SPATS2: variants seen among roughly 807,000 people sequenced by gnomAD.
SPATS2 encodes spermatogenesis associated serine rich 2.
A neutral mutation model predicts 63.7 loss-of-function variants in SPATS2; 38 were observed. The observed-to-expected ratio is 0.60, with a 90% CI of 0.46 to 0.78. The LOEUF (loss-of-function observed/expected upper bound fraction) is 0.78, where lower values mean the gene tolerates loss of function less well. Among genes scored for constraint, SPATS2 ranks in the 30% least tolerant of loss-of-function variants. SPATS2 has a pLI of 0.00. For synonymous variants in SPATS2, 207 were observed against 232.9 expected (o/e 0.89, Z 1.01); for missense variants, 588 against 666.2 (o/e 0.88, Z 1.29).
chr12:49,484,294 A>G (rs1210519916), intron 3 of SPATS2, among the ~76,000 whole-genome samples: 1 of 152,168 alleles, frequency 6.6e-6, no homozygotes, highest in Non-Finnish European at 1.5e-5. Flanking sequence ...ACATTTTTAG[A>G]AGGCCTTAAG....
chr12:49,474,941 A>T (rs890863671), intron 3 of SPATS2, among the ~76,000 whole-genome samples: 2 of 152,176 alleles, frequency 1.3e-5, no homozygotes, highest in Non-Finnish European at 2.9e-5. Flanking sequence ...GTGTATCTCT[A>T]TTTGCAACAG....
rs1747705481 is a variant in SPATS2, at chr12:49,402,954, C to A, written c.-244+31664C>A. Among the ~76,000 whole-genome samples the A allele has an allele frequency of 3.9e-5, 6 of 152,186 alleles. No homozygotes were observed. The South Asian group carries it at 1.2e-3, about 32-fold the overall frequency. ...GGAGCAAAAGAGTGAAGGGACCATT[C>A]AGACAAGAGGTTTAAGATATAGGGG... On this transcript the variant is annotated intron_variant, in intron 2 of 13. Transcript: ENST00000552918.
intron 2 of SPATS2, chr12:49,441,893 A>G (rs1356104464): frequency 6.6e-6 from 1 of 152,200 alleles, no homozygotes; most frequent in Non-Finnish European, 1.5e-5. Context: ...GCACATTAAC[A>G]AAATTACTAG....
At chr12:49,402,583 A>G (rs1308895433) in intron 2 of SPATS2, among the ~76,000 whole-genome samples, 1 of 152,218 alleles carries the variant, frequency 6.6e-6, no homozygotes, top group African/African-American at 2.4e-5. Flanking sequence ...GAGGTGGTCA[A>G]GGAACTGAGA....
intron 2 of SPATS2, among the ~76,000 whole-genome samples, chr12:49,444,144 G>A (rs1257916756): frequency 6.6e-6 from 1 of 150,542 alleles, no homozygotes; most frequent in African/African-American, 2.4e-5. Context: ...TCTCAACTAT[G>A]TTTTCTAATT....
At chr12:49,396,861 G>A (rs1474385707) in intron 2 of SPATS2, among the ~76,000 whole-genome samples, 1 of 152,178 alleles carries the variant, frequency 6.6e-6, no homozygotes, top group Non-Finnish European at 1.5e-5. Flanking sequence ...GTATTCATGT[G>A]TATCATTTGT....
At chr12:49,370,905 G>C (rs1943985972) in intron 1 of SPATS2, among the ~76,000 whole-genome samples, 1 of 152,068 alleles carries the variant, frequency 6.6e-6, no homozygotes, top group African/African-American at 2.4e-5. Flanking sequence ...GTAGAGTCAG[G>C]GTTTCGCTGT....
At chr12:49,523,341 T>A (rs1946973967) in intron 12 of SPATS2, among the ~76,000 whole-genome samples, 1 of 130,996 alleles carries the variant, frequency 7.6e-6, no homozygotes, top group African/African-American at 2.9e-5. Flanking sequence ...ATTAGCCAGG[T>A]GTGGTGGCAC....
intron 10 of SPATS2, 110 bp from the exon 11 acceptor site, chr12:49,518,963 G>A: frequency 1.5e-6 from 1 of 675,850 alleles, no homozygotes; most frequent in Non-Finnish European, 2.3e-6. Context: ...TGGGTGGATA[G>A]GCAGCTAAGC....
At chr12:49,462,461 G>T (rs1192511781) in intron 3 of SPATS2, 1 of 701,756 alleles carries the variant, frequency 1.4e-6, no homozygotes, top group East Asian at 2.7e-5. Context: ...GCCATTTGTG[G>T]ACGGCTTAAG....
intron 2 of SPATS2, among the ~76,000 whole-genome samples, chr12:49,418,982 G>A (rs564571585): frequency 9.9e-5 from 15 of 152,234 alleles, no homozygotes; most frequent in South Asian, 2.1e-4. Context: ...GAAGTTTTGG[G>A]ATTAACATTC....
chr12:49,451,678 G>A (rs191359571), intron 2 of SPATS2, among the ~76,000 whole-genome samples: 8 of 152,248 alleles, frequency 5.3e-5, no homozygotes, highest in Admixed American at 1.3e-4. Context: ...AAATACATAC[G>A]TTATATGTAC....
At chr12:49,454,891 A>C (rs1177261939) in intron 2 of SPATS2, among the ~76,000 whole-genome samples, 2 of 151,514 alleles carry the variant, frequency 1.3e-5, no homozygotes, top group East Asian at 1.9e-4. Flanking sequence ...AAAAAAAAAA[A>C]AAAAAAACAG....
At chr12:49,371,644 C>T (rs578146829) in intron 2 of SPATS2, among the ~76,000 whole-genome samples, 2 of 152,136 alleles carry the variant, frequency 1.3e-5, no homozygotes, top group Admixed American at 6.5e-5. Flanking sequence ...GCAGGCTGTA[C>T]AGGAAGCATA....
intron 3 of SPATS2, among the ~76,000 whole-genome samples, chr12:49,474,030 T>C (rs1322818202): frequency 3.3e-5 from 5 of 152,224 alleles, no homozygotes; most frequent in South Asian, 2.1e-4. Context: ...GTTTTACTTA[T>C]TCACCTGGGT....
At chr12:49,386,735 G>A (rs1944324388) in intron 2 of SPATS2, among the ~76,000 whole-genome samples, 1 of 152,190 alleles carries the variant, frequency 6.6e-6, no homozygotes, top group Non-Finnish European at 1.5e-5. Flanking sequence ...ATGGATGGAA[G>A]GTCCTGGTGG....
At chr12:49,525,543 C>G (rs1592488390) in intron 13 of SPATS2, among the ~76,000 whole-genome samples, 1 of 152,220 alleles carries the variant, frequency 6.6e-6, no homozygotes, top group Admixed American at 6.5e-5. Context: ...TTTAGCAAAG[C>G]AGGCCATAGT....
At chr12:49,464,792 C>T (rs1447774105) in intron 3 of SPATS2, among the ~76,000 whole-genome samples, 1 of 152,114 alleles carries the variant, frequency 6.6e-6, no homozygotes, top group African/African-American at 2.4e-5. Flanking sequence ...TCACTACACT[C>T]TAGCCTGGGT....
At chr12:49,476,507 T>C (rs551607536) in intron 3 of SPATS2, among the ~76,000 whole-genome samples, 65 of 152,318 alleles carry the variant, frequency 4.3e-4, no homozygotes, top group African/African-American at 1.5e-3. Context: ...AGGGGTCTAA[T>C]TGACACAACA....
Sources: gnomAD v4.1 joint callset for allele counts (sites outside exome capture counted in the v4.1 genomes callset) on GRCh38, gnomAD v4.1.1 for gene constraint, MANE v1.5 for transcripts, NCBI Gene and HGNC (gene_info 2026-07-23, HGNC 2026-07-21) for gene names.